ATXN7L1: variants seen among roughly 807,000 people sequenced by gnomAD.
ATXN7L1 encodes ataxin 7 like 1, also known as ataxin-7-like protein 1.
ATXN7L1 carries 15 observed loss-of-function variants against 70.8 expected under a neutral mutation model. The observed-to-expected ratio is 0.21, with a 90% CI of 0.14 to 0.33. The LOEUF (loss-of-function observed/expected upper bound fraction) is 0.33. Ranked by LOEUF, ATXN7L1 falls within the 10% of genes least tolerant of loss-of-function variation. ATXN7L1 has a pLI of 1.00. For missense variants in ATXN7L1, 975 were observed against 1,097.1 expected (o/e 0.89, Z 1.57); for synonymous variants, 440 against 445.1 (o/e 0.99, Z 0.14).
At chr7:105,781,989 C>A (rs550800043) in intron 3 of ATXN7L1, among the ~76,000 whole-genome samples, 1 of 152,222 alleles carries the variant, frequency 6.6e-6, no homozygotes, top group South Asian at 2.1e-4. Flanking sequence ...CAACACTACG[C>A]CTGGCTAATA....
intron 3 of ATXN7L1, among the ~76,000 whole-genome samples, chr7:105,732,957 A>G (rs567884517): frequency 6.6e-6 from 1 of 152,300 alleles, no homozygotes; most frequent in South Asian, 2.1e-4. Context: ...TCTCTGCTCA[A>G]ATGACACTGT....
intron 3 of ATXN7L1, among the ~76,000 whole-genome samples, chr7:105,667,582 CCAGCTA>C (rs1584622565): frequency 1.5e-5 from 2 of 133,286 alleles, no homozygotes; most frequent in African/African-American, 2.6e-5. Flanking sequence ...GCCTGTAGTC[CCAGCTA>C]CTTGGGAGGC....
At chr7:105,714,844 G>A (rs916146993) in intron 3 of ATXN7L1, among the ~76,000 whole-genome samples, 2 of 152,096 alleles carry the variant, frequency 1.3e-5, no homozygotes, top group African/African-American at 4.8e-5. Context: ...TGTATTTTTA[G>A]TAGAGACGGG....
chr7:105,610,502 G>GGGGCCC, intron 11 of ATXN7L1, 27 bp downstream of exon 11: 1 of 1,525,628 alleles, frequency 6.6e-7, no homozygotes, highest in Non-Finnish European at 8.9e-7. Flanking sequence ...ATGAATTTTT[G>GGGGCCC]CCCCACCCCC....
intron 3 of ATXN7L1, among the ~76,000 whole-genome samples, chr7:105,779,440 A>C (rs1457354882): frequency 9.2e-5 from 14 of 152,212 alleles, no homozygotes; most frequent in Admixed American, 9.2e-4. Flanking sequence ...GCAAGTCCAA[A>C]ATATAAAAAC....
At chr7:105,742,461 T>A (rs1208802886) in intron 3 of ATXN7L1, among the ~76,000 whole-genome samples, 1 of 152,238 alleles carries the variant, frequency 6.6e-6, no homozygotes, top group East Asian at 1.9e-4. Context: ...CACCCTATTA[T>A]GTGTGTACTA....
chr7:105,787,331 A>C (rs1804453613), intron 3 of ATXN7L1, among the ~76,000 whole-genome samples: 1 of 152,166 alleles, frequency 6.6e-6, no homozygotes, highest in Non-Finnish European at 1.5e-5. Flanking sequence ...GGAGGGGCAG[A>C]AGACTTGGCC....
At chr7:105,696,648 C>G (rs1791747088) in intron 3 of ATXN7L1, among the ~76,000 whole-genome samples, 1 of 152,188 alleles carries the variant, frequency 6.6e-6, no homozygotes. Context: ...GGAATATTAG[C>G]AGGAATCTGT....
intron 3 of ATXN7L1, among the ~76,000 whole-genome samples, chr7:105,739,286 C>T (rs1036939638): frequency 9.2e-5 from 14 of 152,154 alleles, no homozygotes; most frequent in Non-Finnish European, 2.1e-4. Context: ...ACCACAATTA[C>T]GTTTGCACCA....
Position 105,614,738 on chromosome 7 carries a change from C to T in ATXN7L1, c.1596G>A (p.Leu532=). 6.4e-7 allele frequency: 1 copy of T among 1,551,666 alleles called. No individual in the cohort carries two copies. Among genetic ancestry groups the T allele is most frequent in the Non-Finnish European group, 8.7e-7 (1 of 1,147,004 alleles). The stretch of plus-strand genomic sequence containing the variant: ...CAGCACTGGGGTTGCTGAAAGGCTG[C>T]AAAACGGATGCTGGAACGGGGGTGG... ...HITTPVPASV[L]QPFSNPSAVY... Residue 532 remains leucine, a synonymous_variant, in exon 10 of 12, where the codon TTG becomes TTA. Coordinates refer to ENST00000419735, the MANE Select transcript of ATXN7L1 (RefSeq NM_020725.2). The surrounding 1 kb of genome is among the most constrained non-coding windows in gnomAD (Gnocchi z 4.3).
At chr7:105,853,968 C>CCTAA (rs1815295734) in intron 2 of ATXN7L1, among the ~76,000 whole-genome samples, 1 of 152,084 alleles carries the variant, frequency 6.6e-6, no homozygotes. Flanking sequence ...TCCACAGGGG[C>CCTAA]CTAACATCTG....
intron 2 of ATXN7L1, among the ~76,000 whole-genome samples, chr7:105,864,630 G>GTT (rs935036622): frequency 6.9e-6 from 1 of 143,890 alleles, no homozygotes. Context: ...AGATTCATTC[G>GTT]TTTTTTTTTT....
chr7:105,725,892 T>C (rs1219344566), intron 3 of ATXN7L1, among the ~76,000 whole-genome samples: 1 of 145,586 alleles, frequency 6.9e-6, no homozygotes, highest in Non-Finnish European at 1.5e-5. Context: ...CCATTTCTTT[T>C]TTCTTTCTTT....
Position 105,638,456 on chromosome 7 carries a change from C to T in ATXN7L1, c.1099G>A (p.Gly367Arg), listed in dbSNP as rs749761476. The T allele has an allele frequency of 8.4e-6, 13 of 1,552,354 alleles. No individual in the cohort carries two copies. The highest frequency in any genetic ancestry group is 5.9e-5 in the South Asian group (5 of 84,066). ...CCTAGCAGAGAATCCTGTGCCGGCC[C>T]GGATTGGCTTGGAAGTATTTCCCTC... The part of the protein sequence containing the change: ...STREILPSQS[G>R]PAQDSLLGSS... The change falls in exon 7 of 12, where the codon GGG (glycine) becomes AGG (arginine). Residue 367 changes from glycine (G) to arginine (R), a missense_variant. Physicochemically the swap from Gly to Arg is moderately radical, Grantham distance 125. Around this residue, in one of 5 missense-constraint regions of ATXN7L1, gnomAD observed 635 missense variants for 699.4 expected, o/e 0.91. Coordinates refer to ENST00000419735, the MANE Select transcript of ATXN7L1 (RefSeq NM_020725.2).
intron 3 of ATXN7L1, among the ~76,000 whole-genome samples, chr7:105,742,109 C>T (rs1350498253): frequency 2.0e-5 from 3 of 152,192 alleles, no homozygotes; most frequent in African/African-American, 4.8e-5. Flanking sequence ...TCAAAGGACA[C>T]ATTGTCACGA....
chr7:105,633,324 G>T (rs1796880117), intron 7 of ATXN7L1, among the ~76,000 whole-genome samples: 1 of 152,256 alleles, frequency 6.6e-6, no homozygotes, highest in African/African-American at 2.4e-5. Flanking sequence ...CTTGAACACA[G>T]AAAGAGCAAA....
intron 2 of ATXN7L1, among the ~76,000 whole-genome samples, chr7:105,806,578 T>G (rs1031496397): frequency 6.6e-6 from 1 of 152,082 alleles, no homozygotes; most frequent in Non-Finnish European, 1.5e-5. Context: ...GGGGACATCA[T>G]GAGCAAGCGG....
chr7:105,711,838 A>T (rs1262699800), intron 3 of ATXN7L1, among the ~76,000 whole-genome samples: 1 of 152,182 alleles, frequency 6.6e-6, no homozygotes, highest in Non-Finnish European at 1.5e-5. Context: ...CCCAGTGCGG[A>T]CTTTGTGTGG....
intron 8 of ATXN7L1, among the ~76,000 whole-genome samples, chr7:105,621,992 C>A (rs186843386): frequency 2.6e-5 from 4 of 152,322 alleles, no homozygotes; most frequent in Non-Finnish European, 5.9e-5. Context: ...ACTGACCAAG[C>A]AAGAAAACAC....
Sources: gnomAD v4.1 joint callset for allele counts (sites outside exome capture counted in the v4.1 genomes callset) on GRCh38, gnomAD v4.1.1 for gene constraint, gnomAD v4.1.1 regional missense constraint, Gnocchi (gnomAD v3.1) non-coding constraint, MANE v1.5 for transcripts, NCBI Gene and HGNC (gene_info 2026-07-23, HGNC 2026-07-21) for gene names.